The following AP1G1 variants were observed in gnomAD, a reference collection of about 807,000 sequenced individuals.
AP1G1 encodes adaptor related protein complex 1 subunit gamma 1, also known as AP-1 complex subunit gamma-1.
In AP1G1, 7 loss-of-function variants were observed where a neutral mutation model predicts 108.3. The ratio of observed to expected loss-of-function variants is 0.06; its 90% CI spans 0.04 to 0.12. AP1G1 has a LOEUF of 0.12. AP1G1 is among the 10% of genes least tolerant of loss of function. The probability of loss-of-function intolerance (pLI) is 1.00; values close to 1 mark genes in which losing one functional copy is unlikely to be tolerated. For synonymous variants in AP1G1, 379 were observed against 353.5 expected, an observed-to-expected ratio of 1.07 and a Z score of -0.81; for missense variants, 756 against 1,010.7, an observed-to-expected ratio of 0.75 and a Z score of 3.42.
At chr16:71,806,677 C>G (rs1305343861) in intron 1 of AP1G1, 3 of 1,284,848 alleles carry the variant, frequency 2.3e-6, no homozygotes, top group Non-Finnish European at 1.0e-6. Flanking sequence ...ACTGCGAGGG[C>G]ATACTTACTA....
Position 71,746,669 on chromosome 16 carries a change from A to G in AP1G1, c.1649T>C (p.Ile550Thr). ...TTCCACATCAATGCTGCTTCCGTAG[A>G]TGGAAACCACTTTCTTAATTCGGCT... ...TVNRIKKVVS[I>T]YGSSIDVELQ... Residue 550 changes from isoleucine (I) to threonine (T), a missense_variant, in exon 17 of 23, where the codon ATC becomes ACC. Ile to Thr is a moderately conservative substitution (Grantham distance 89). Coordinates refer to ENST00000299980, the MANE Select transcript of AP1G1 (RefSeq NM_001128.6). The G allele has an allele frequency of 6.2e-7, 1 of 1,612,388 alleles. No individual in the cohort carries two copies. The highest frequency in any genetic ancestry group is 8.5e-7 in the Non-Finnish European group (1 of 1,179,352).
At chr16:71,786,053 G>A (rs2032193034) in intron 2 of AP1G1, among the ~76,000 whole-genome samples, 1 of 152,112 alleles carries the variant, frequency 6.6e-6, no homozygotes, top group South Asian at 2.1e-4. Context: ...CATTGAAACA[G>A]AGGAAACAGA....
At chr16:71,757,298 A>T (rs765711882) in intron 11 of AP1G1, among the ~76,000 whole-genome samples, 18 of 152,182 alleles carry the variant, frequency 1.2e-4, no homozygotes, top group South Asian at 2.1e-4. Context: ...TAAAAATATA[A>T]AAATTAGCCG....
Position 71,748,367 on chromosome 16 carries a change from A to C in AP1G1, c.1509T>G (p.Asp503Glu), listed in dbSNP as rs1432082273. 6.2e-7 allele frequency: 1 copy of C among 1,612,982 alleles called. No individual in the cohort carries two copies. Residue 503 changes from aspartate to glutamate, a missense_variant, in exon 16 of 23, where the codon GAT becomes GAG. Physicochemically the swap from Asp to Glu is conservative, Grantham distance 45 (BLOSUM62 2). Coordinates refer to ENST00000299980, the MANE Select transcript of AP1G1 (RefSeq NM_001128.6). ...CACTTTCTAAAATATCCAACACTTCATCCTCTGTTACCTGAGGAGGAGGAG... is the reference window on the plus strand; with the variant it reads ...CACTTTCTAAAATATCCAACACTTCCTCCTCTGTTACCTGAGGAGGAGGAG... ...EEEEPIQVTE[D>E]EVLDILESVL...
chr16:71,754,695 G>A (rs1006479364), intron 12 of AP1G1, among the ~76,000 whole-genome samples: 3 of 152,294 alleles, frequency 2.0e-5, no homozygotes, highest in Admixed American at 2.0e-4. Context: ...CAGCTACTCA[G>A]GAGGCTGAGG....
chr16:71,738,882 A>G lies in AP1G1; in HGVS notation c.2268+60T>C, dbSNP rs1413025747. On this transcript the variant is annotated intron_variant, in intron 21 of 22. Coordinates refer to ENST00000299980, the MANE Select transcript of AP1G1 (RefSeq NM_001128.6). Reference sequence around the variant, plus strand: ...AAACATATCCTTTACCAAACACATGAAAAAAAAAAGCCAGCCAATCTTTAA... The same window carrying G: ...AAACATATCCTTTACCAAACACATGGAAAAAAAAAGCCAGCCAATCTTTAA... 1.6e-5 allele frequency: 21 copies of G among 1,349,224 alleles called. No homozygotes were observed. In the Admixed American group the frequency reaches 3.2e-4, roughly 20 times the overall value. The allele number at this position is 1,349,224 out of a possible 1,614,324, so 83.6% of individuals were successfully genotyped here.
intron 10 of AP1G1, 91 bp downstream of exon 10, chr16:71,761,421 G>T: frequency 1.1e-6 from 1 of 909,634 alleles, no homozygotes; most frequent in Non-Finnish European, 1.8e-6. Context: ...CTAAATATGT[G>T]ACTTAATACA....
intron 1 of AP1G1, among the ~76,000 whole-genome samples, chr16:71,805,622 C>A (rs1028378901): frequency 2.6e-5 from 4 of 152,092 alleles, no homozygotes; most frequent in African/African-American, 9.7e-5. Flanking sequence ...TCATCAAATG[C>A]AAATAAGGGG....
In AP1G1 at chr16:71,748,242, A is replaced by T; in HGVS notation, c.1625+9T>A. On this transcript the variant is annotated intron_variant, in intron 16 of 22. Coordinates refer to ENST00000299980, the MANE Select transcript of AP1G1 (RefSeq NM_001128.6). ...CAACCTGTTCACCCTATGTTTCTTC[A>T]ATACTCACTTTACAGTACAAGTGAA... 1 of 1,609,052 alleles carries T rather than the reference A, an allele frequency of 6.2e-7. No homozygotes were observed. Among genetic ancestry groups the T allele is most frequent in the South Asian group, 1.1e-5 (1 of 89,870 alleles).
At position 71,794,835 on chromosome 16, in the gene AP1G1, C is replaced by CTTTTCTTTTTTTT. The variant is rs2032522793; in HGVS notation, c.-3-5354_-3-5353insAAAAAAAAGAAAA. ...TACCATTCTCAGGCCATGAGAAGTG[C>CTTTTCTTTTTTTT]TTTTTTTTTTTTTTTTTTTTTTTTT... On this transcript the variant is annotated intron_variant, in intron 1 of 22. Transcript: ENST00000299980. Among the ~76,000 whole-genome samples the CTTTTCTTTTTTTT allele has an allele frequency of 4.2e-3, 165 of 39,656 alleles. 10 individuals carry two copies. The highest frequency in any genetic ancestry group is 0.017 in the African/African-American group (158 of 9,546). 26.0% of individuals were successfully genotyped at this position (39,656 alleles called of 152,430 possible).
intron 6 of AP1G1, among the ~76,000 whole-genome samples, chr16:71,766,846 T>C (rs557975928): frequency 6.6e-6 from 1 of 152,342 alleles, no homozygotes; most frequent in South Asian, 2.1e-4. Context: ...AAGTAACTTA[T>C]AAGTCACCTA....
At chr16:71,803,609 G>A (rs1351621539) in intron 1 of AP1G1, among the ~76,000 whole-genome samples, 2 of 152,066 alleles carry the variant, frequency 1.3e-5, no homozygotes, top group Non-Finnish European at 2.9e-5. Context: ...TACTAGGTCA[G>A]TGAAGAAAAA....
rs752677328 is a variant in AP1G1, at chr16:71,769,567, T to C, written c.642+56A>G. On this transcript the variant is annotated intron_variant, in intron 6 of 22. Transcript: ENST00000299980. Reference sequence around the variant, plus strand: ...AAAATAAGAAGAAAATCATGTACTTTTCAGGAAAATCATTTTTCAATCAAG... The same window carrying C: ...AAAATAAGAAGAAAATCATGTACTTCTCAGGAAAATCATTTTTCAATCAAG... 1.9e-4 allele frequency: 288 copies of C among 1,488,856 alleles called. 2 individuals carry two copies. The highest frequency in any genetic ancestry group is 2.5e-4 in the Non-Finnish European group (270 of 1,068,526). 92.2% of individuals were successfully genotyped at this position (1,488,856 alleles called of 1,614,324 possible). A position where few individuals can be genotyped will look rare whatever the true frequency, so the allele number is the denominator to read the frequency against.
In AP1G1 at chr16:71,771,178, AT is replaced by A; in HGVS notation, c.542del (p.Asn181IlefsTer3). 2 of 1,607,938 alleles carry A rather than the reference AT, an allele frequency of 1.2e-6. No homozygotes were observed. On this transcript the variant is annotated frameshift_variant, in exon 5 of 23. Transcript: ENST00000299980. LOFTEE classifies it high-confidence loss of function. ...LMEMFLPATKNLLNEKNHGVL... is the reference protein window; with the variant it reads ...LMEMFLPATKXLLNEKNHGVL... Reference sequence around the variant, plus strand: ...TACCATGGTTCTTCTCATTCAATAAATTTTTTGTTGCTGGTAAAAACATCTC... The same window carrying A: ...TACCATGGTTCTTCTCATTCAATAAATTTTTGTTGCTGGTAAAAACATCTC...
intron 5 of AP1G1, among the ~76,000 whole-genome samples, chr16:71,770,165 G>C (rs1286582690): frequency 6.6e-6 from 1 of 152,142 alleles, no homozygotes; most frequent in African/African-American, 2.4e-5. Flanking sequence ...AACTGCTCCA[G>C]AGTCAGTAAA....
At chr16:71,744,580 T>TG (rs1470223922) in intron 19 of AP1G1, among the ~76,000 whole-genome samples, 1 of 148,112 alleles carries the variant, frequency 6.8e-6, no homozygotes, top group Non-Finnish European at 1.5e-5. Context: ...TGTTTTTTTT[T>TG]TTTTTTTTTT....
chr16:71,744,576 T>G (rs1056552333), intron 19 of AP1G1, among the ~76,000 whole-genome samples: 2 of 146,600 alleles, frequency 1.4e-5, no homozygotes, highest in Non-Finnish European at 3.0e-5. Flanking sequence ...AGTGTGTTTT[T>G]TTTTTTTTTT....
rs1172640948 is a variant in AP1G1, at chr16:71,732,736, G to C, written c.*322C>G. 4.0e-6 allele frequency: 1 copy of C among 246,938 alleles called. No homozygotes were observed. Among genetic ancestry groups the C allele is most frequent in the Non-Finnish European group, 7.8e-6 (1 of 127,740 alleles). The allele number at this position is 246,938 out of a possible 1,614,324, so 15.3% of individuals were successfully genotyped here. A position where few individuals can be genotyped will look rare whatever the true frequency, so the allele number is the denominator to read the frequency against. ...CCATGGATTGCAGTCCTCTCCTCCA[G>C]ACCAGCTGCTTATTTCCTCAGGGGC... is the stretch of plus-strand genomic sequence containing the variant. On this transcript the variant is annotated 3_prime_UTR_variant, in exon 23 of 23. Transcript: ENST00000299980.
intron 11 of AP1G1, among the ~76,000 whole-genome samples, chr16:71,757,268 C>T (rs1418994568): frequency 6.6e-6 from 1 of 151,864 alleles, no homozygotes; most frequent in Admixed American, 6.6e-5. Context: ...CTAGCCAATA[C>T]GGCAAAACCC....
Sources: allele counts gnomAD v4.1 joint callset (sites outside exome capture counted in the v4.1 genomes callset), GRCh38; gene constraint gnomAD v4.1.1; transcripts MANE v1.5; gene names NCBI Gene and HGNC (gene_info 2026-07-23, HGNC 2026-07-21).